The following NBPF14 variants were observed in gnomAD, a reference collection of about 807,000 sequenced individuals.
The protein encoded by NBPF14 is NBPF family member NBPF14.
A neutral mutation model predicts 91.2 loss-of-function variants in NBPF14; 104 were observed. The ratio of observed to expected loss-of-function variants is 1.14; its 90% CI spans 0.97 to 1.34. NBPF14 has a LOEUF of 1.34. Among genes scored for constraint, NBPF14 ranks in the 40% most tolerant of loss-of-function variants. NBPF14 has a pLI of 0.00. For synonymous variants in NBPF14, 294 were observed against 303.8 expected, an observed-to-expected ratio of 0.97 and a Z score of 0.34; for missense variants, 908 against 783.0, an observed-to-expected ratio of 1.16 and a Z score of -1.91.
At chr1:148,542,053 A>G (rs1438643534) in intron 59 of NBPF14, among the ~76,000 whole-genome samples, 2 of 86,702 alleles carry the variant, frequency 2.3e-5, no homozygotes, top group African/African-American at 1.0e-4. Context: ...CTATTCTAGT[A>G]GATCGTTATC....
rs1293840134 is a variant in NBPF14, at chr1:148,590,206, C to T, written c.778+551G>A. ...CTGGGACTACAGGCGCCCACCACCA[C>T]GCCCAGCTATTTTTTTTTTTTTTTG... On this transcript the variant is annotated intron_variant, in intron 6 of 70. Coordinates refer to ENST00000619423, the Ensembl canonical transcript of NBPF14. Among the ~76,000 whole-genome samples, 27 of 140,466 alleles carry T rather than the reference C, an allele frequency of 1.9e-4. 2 individuals carry two copies. Among genetic ancestry groups the T allele is most frequent in the Non-Finnish European group, 2.5e-4 (16 of 63,126 alleles). 92.2% of individuals were successfully genotyped at this position (140,466 alleles called of 152,430 possible). A position where few individuals can be genotyped will look rare whatever the true frequency, so the allele number is the denominator to read the frequency against.
chr1:148,533,992 C>A lies in NBPF14; in HGVS notation c.8615-23G>T, dbSNP rs782181716. ...TTTCTGCAATAAATTCAGACATGGA[C>A]AGACACATTAAGCTGATTCCCCTAC... On this transcript the variant is annotated intron_variant, in intron 69 of 70. Transcript: ENST00000619423. 22 of 695,760 alleles carry A rather than the reference C, an allele frequency of 3.2e-5. No individual in the cohort carries two copies. In the East Asian group the frequency reaches 4.5e-4, roughly 14 times the overall value. 43.1% of individuals were successfully genotyped at this position (695,760 alleles called of 1,614,324 possible).
chr1:148,533,868 A>T (rs1338906063), exon 70 of NBPF14: 1 of 764,186 alleles, frequency 1.3e-6, no homozygotes, highest in Admixed American at 1.7e-5. Context: ...CACCTGGGGC[A>T]TGGTGGGTTT....
chr1:148,593,928 T>G (rs1662900998), intron 2 of NBPF14, among the ~76,000 whole-genome samples: 1 of 149,880 alleles, frequency 6.7e-6, no homozygotes, highest in African/African-American at 2.4e-5. Context: ...TCAAGGAAGT[T>G]GACAAGATGA....
Position 148,559,969 on chromosome 1 carries a change from G to A in NBPF14, c.4557-4C>T, listed in dbSNP as rs1490991441. The A allele has an allele frequency of 1.1e-5, 14 of 1,322,532 alleles. No homozygotes were observed. The African/African-American group carries it at 1.2e-4, about 12-fold the overall frequency. 81.9% of individuals were successfully genotyped at this position (1,322,532 alleles called of 1,614,324 possible). On this transcript the variant is annotated splice_region_variant and splice_polypyrimidine_tract_variant and intron_variant, in intron 36 of 70. Transcript: ENST00000619423. ...ATGCAGCAGCTCCCTGCTGAGCCTG[G>A]AAAAGTGGAAAAAAGTAAAGAATAA...
intron 14 of NBPF14, among the ~76,000 whole-genome samples, chr1:148,577,567 C>G (rs1486509222): frequency 2.0e-5 from 3 of 150,856 alleles, no homozygotes; most frequent in Non-Finnish European, 4.4e-5. Flanking sequence ...CACACACACA[C>G]ACACACACAC....
intron 40 of NBPF14, among the ~76,000 whole-genome samples, 182 bp from the exon 41 acceptor site, chr1:148,557,044 A>C (rs1656684158): frequency 8.4e-6 from 1 of 118,892 alleles, no homozygotes; most frequent in Non-Finnish European, 1.6e-5. Context: ...AAAGAATGAA[A>C]GAGAAAGACA....
At chr1:148,557,101 GAAC>G (rs1167371056) in intron 40 of NBPF14, among the ~76,000 whole-genome samples, 1 of 126,284 alleles carries the variant, frequency 7.9e-6, no homozygotes, top group East Asian at 2.5e-4. Flanking sequence ...GAGAGAGAGA[GAAC>G]GAGCTCAGTG....
Position 148,559,833 on chromosome 1 carries a change from T to A in NBPF14, c.4689A>T (p.Ile1563=), listed in dbSNP as rs1657396442. The change falls in exon 37 of 71, where the codon ATA becomes ATT. Residue 1563 remains isoleucine, a synonymous_variant. Coordinates refer to ENST00000619423, the Ensembl canonical transcript of NBPF14. The stretch of plus-strand genomic sequence containing the variant: ...CCAAGCCAACACGCTGCTGCTCCAA[T>A]ATGTAAAAGGCACTTCTATAGGGCT... 19 of 1,532,674 alleles carry A rather than the reference T, an allele frequency of 1.2e-5. 4 individuals carry two copies. Among genetic ancestry groups the A allele is most frequent in the African/African-American group, 3.8e-5 (2 of 52,084 alleles). The allele number at this position is 1,532,674 out of a possible 1,614,324, so 94.9% of individuals were successfully genotyped here.
At chr1:148,589,775 C>T (rs1458520468) in intron 6 of NBPF14, among the ~76,000 whole-genome samples, 1 of 146,964 alleles carries the variant, frequency 6.8e-6, no homozygotes, top group African/African-American at 2.5e-5. Context: ...CTCTGTCACG[C>T]AGGCTGCAGT....
At chr1:148,579,770 G>A (rs1380390106) in intron 12 of NBPF14, among the ~76,000 whole-genome samples, 21 of 152,282 alleles carry the variant, frequency 1.4e-4, no homozygotes, top group African/African-American at 3.1e-4. Flanking sequence ...TAGACACATG[G>A]GAGAGAATAG....
In NBPF14 at chr1:148,593,819, T is replaced by C. The variant is rs1255884142; in HGVS notation, c.176-119A>G. ...CAAAACTCTCCCCAGTACCACGGTC[T>C]AGACAGGGATTTCCACATCTTTACT... On this transcript the variant is annotated intron_variant, in intron 2 of 70. Coordinates refer to ENST00000619423, the Ensembl canonical transcript of NBPF14. 1.3e-4 allele frequency: 125 copies of C among 972,982 alleles called. 8 individuals carry two copies. Among genetic ancestry groups the C allele is most frequent in the Non-Finnish European group, 1.8e-4 (111 of 630,972 alleles). 60.3% of individuals were successfully genotyped at this position (972,982 alleles called of 1,614,324 possible).
In NBPF14 at chr1:148,592,736, T is replaced by C. The variant is rs1267914187; in HGVS notation, c.309A>G (p.Glu103=). 2.3e-5 allele frequency: 36 copies of C among 1,585,492 alleles called. 2 individuals are homozygous for C. The highest frequency in any genetic ancestry group is 2.9e-5 in the Non-Finnish European group (34 of 1,159,774). ...TCTCCCTTAGCTGGGTCAGCTCTCG[T>C]TCCTGAGAGTGAACCAGGACTTTAT... is the stretch of plus-strand genomic sequence containing the variant. The change falls in exon 4 of 71, where the codon GAA becomes GAG. Residue 103 remains glutamate, a synonymous_variant. Coordinates refer to ENST00000619423, the Ensembl canonical transcript of NBPF14.
exon 71 of NBPF14, chr1:148,532,123 A>C (rs2149462574): frequency 2.6e-5 from 4 of 152,404 alleles, no homozygotes; most frequent in South Asian, 2.1e-4. Flanking sequence ...TTTTGAACCC[A>C]AAATATCTCT....
chr1:148,560,283 C>G (rs1657591183), intron 36 of NBPF14, among the ~76,000 whole-genome samples: 4 of 143,000 alleles, frequency 2.8e-5, no homozygotes, highest in South Asian at 2.2e-4. Context: ...TGACACACAG[C>G]AAACTGTGAT....
chr1:148,534,115 G>A (rs1231941074), intron 69 of NBPF14, 146 bp from the exon 70 acceptor site: 4 of 574,188 alleles, frequency 7.0e-6, no homozygotes, highest in Non-Finnish European at 1.2e-5. Flanking sequence ...GAGGCCTGAA[G>A]GCTGGTCATG....
intron 5 of NBPF14, among the ~76,000 whole-genome samples, chr1:148,591,187 A>C (rs1662407376): frequency 1.4e-5 from 2 of 147,008 alleles, no homozygotes; most frequent in African/African-American, 2.5e-5. Flanking sequence ...TGTTCAGTGC[A>C]CTGAACAGAT....
At chr1:148,534,286 A>C (rs1654484669) in intron 69 of NBPF14, among the ~76,000 whole-genome samples, 4 of 151,852 alleles carry the variant, frequency 2.6e-5, no homozygotes, top group South Asian at 2.1e-4. Flanking sequence ...CTAGGAGAAA[A>C]ACTGCAATAT....
At position 148,559,857 on chromosome 1, in the gene NBPF14, C is replaced by G. The variant is rs1411242048; in HGVS notation, c.4665G>C (p.Gln1555His). The G allele has an allele frequency of 7.9e-6, 12 of 1,510,032 alleles. 2 individuals are homozygous for G. The Admixed American group carries it at 8.9e-5, about 11-fold the overall frequency. 93.5% of individuals were successfully genotyped at this position (1,510,032 alleles called of 1,614,324 possible). ...ATATGTAAAAGGCACTTCTATAGGGCTGGCATGAGTCAGTCAGTTCAAGAC... is the reference window on the plus strand; with the variant it reads ...ATATGTAAAAGGCACTTCTATAGGGGTGGCATGAGTCAGTCAGTTCAAGAC... Residue 1555 changes from glutamine to histidine, a missense_variant, in exon 37 of 71, where the codon CAG becomes CAC. Transcript: ENST00000619423.
Sources: gnomAD v4.1 joint callset for allele counts (sites outside exome capture counted in the v4.1 genomes callset) on GRCh38, gnomAD v4.1.1 for gene constraint, MANE v1.5 for transcripts, NCBI Gene and HGNC (gene_info 2026-07-23, HGNC 2026-07-21) for gene names.